The following ADAMTSL3 variants were observed in gnomAD, a reference collection of about 807,000 sequenced individuals.
ADAMTSL3 encodes ADAMTS-like protein 3.
A neutral mutation model predicts 201.7 loss-of-function variants in ADAMTSL3; 128 were observed. That is an observed-to-expected ratio of 0.63 (90% CI 0.55 to 0.73). ADAMTSL3 has a LOEUF of 0.73. ADAMTSL3 is among the 30% of genes least tolerant of loss of function. The probability of loss-of-function intolerance (pLI) is 0.00; values close to 1 mark genes in which losing one functional copy is unlikely to be tolerated. For synonymous variants in ADAMTSL3, 738 were observed against 748.4 expected (o/e 0.99, Z 0.23); for missense variants, 1,990 against 2,119.6 (o/e 0.94, Z 1.20).
At chr15:83,677,496 G>C (rs550274113) in intron 2 of ADAMTSL3, among the ~76,000 whole-genome samples, 3 of 151,798 alleles carry the variant, frequency 2.0e-5, no homozygotes, top group Non-Finnish European at 4.4e-5. Context: ...TGTCTTCTTG[G>C]TGGTAGAACT....
At chr15:83,871,105 A>G in intron 9 of ADAMTSL3, 146 bp downstream of exon 9, 2 of 954,368 alleles carry the variant, frequency 2.1e-6, no homozygotes, top group South Asian at 3.7e-5. Context: ...TTGGCAGTCC[A>G]TTCTTAAAAA....
intron 2 of ADAMTSL3, among the ~76,000 whole-genome samples, chr15:83,675,378 C>A (rs1044295889): frequency 1.3e-5 from 2 of 151,270 alleles, no homozygotes; most frequent in Non-Finnish European, 3.0e-5. Context: ...TTTATATGAT[C>A]ACATGATTTA....
At chr15:83,996,360 T>C (rs2067685618) in intron 23 of ADAMTSL3, among the ~76,000 whole-genome samples, 1 of 152,190 alleles carries the variant, frequency 6.6e-6, no homozygotes, top group African/African-American at 2.4e-5. Context: ...ATATAAAAGT[T>C]CTGATCCCTG....
chr15:83,964,771 G>A (rs752524816), intron 19 of ADAMTSL3, among the ~76,000 whole-genome samples: 45 of 152,324 alleles, frequency 3.0e-4, no homozygotes, highest in Non-Finnish European at 5.9e-4. Context: ...GGCAGCCAGA[G>A]AGAAAGATTG....
At chr15:83,816,946 T>C (rs531181901) in intron 5 of ADAMTSL3, among the ~76,000 whole-genome samples, 12 of 152,238 alleles carry the variant, frequency 7.9e-5, no homozygotes, top group Middle Eastern at 3.4e-3. Context: ...CAGTGAGCCA[T>C]GATCATGCCA....
intron 7 of ADAMTSL3, among the ~76,000 whole-genome samples, chr15:83,848,300 C>T (rs533943925): frequency 6.6e-5 from 10 of 152,266 alleles, no homozygotes; most frequent in Middle Eastern, 3.4e-3. Flanking sequence ...GATGTAGTTC[C>T]GGTTGAACTT....
At chr15:83,971,346 A>G (rs945109085) in intron 20 of ADAMTSL3, among the ~76,000 whole-genome samples, 2 of 152,118 alleles carry the variant, frequency 1.3e-5, no homozygotes, top group Non-Finnish European at 2.9e-5. Flanking sequence ...TCATGAGGTC[A>G]GGAGATCAAG....
chr15:83,858,923 A>T (rs1474289350), intron 8 of ADAMTSL3, 83 bp downstream of exon 8: 1 of 1,211,344 alleles, frequency 8.3e-7, no homozygotes, highest in Admixed American at 2.2e-5. Flanking sequence ...AAACCCACAA[A>T]CCAAACCAAC....
intron 3 of ADAMTSL3, among the ~76,000 whole-genome samples, chr15:83,772,964 A>G (rs2063008290): frequency 6.6e-6 from 1 of 152,196 alleles, no homozygotes; most frequent in Non-Finnish European, 1.5e-5. Context: ...TATTTAGCCA[A>G]TTTATTTAAA....
At chr15:83,975,137 GA>G (rs1163174710) in intron 20 of ADAMTSL3, among the ~76,000 whole-genome samples, 3 of 151,794 alleles carry the variant, frequency 2.0e-5, no homozygotes, top group Non-Finnish European at 4.4e-5. Flanking sequence ...GAGTAGCTGG[GA>G]CTACAGGCAC....
chr15:83,655,060 G>C (rs921025156), intron 1 of ADAMTSL3, among the ~76,000 whole-genome samples: 48 of 152,138 alleles, frequency 3.2e-4, no homozygotes, highest in African/African-American at 1.2e-3. Flanking sequence ...GAAAAGTAAG[G>C]GAAAAAGTCC....
chr15:83,837,379 C>T (rs1190741668), intron 6 of ADAMTSL3, among the ~76,000 whole-genome samples: 1 of 151,446 alleles, frequency 6.6e-6, no homozygotes, highest in African/African-American at 2.4e-5. Context: ...GAAGGTTATA[C>T]ATCAAATTTA....
rs1479700400 is a variant in ADAMTSL3, at chr15:83,735,237, CA to C, written c.189+30730del. 2.6e-5 allele frequency among the ~76,000 whole-genome samples: 4 copies of C among 151,982 alleles called. No homozygotes were observed. The East Asian group carries it at 7.7e-4, about 29-fold the overall frequency. On this transcript the variant is annotated intron_variant, in intron 3 of 29. Coordinates refer to ENST00000286744, the MANE Select transcript of ADAMTSL3 (RefSeq NM_207517.3). Reference sequence around the variant, plus strand: ...ATAAGACTAAAATAAAAATACACACCATAGAGCTCTCCATACTTACTACAGG... The same window carrying C: ...ATAAGACTAAAATAAAAATACACACCTAGAGCTCTCCATACTTACTACAGG...
At chr15:83,887,539 G>C (rs72746993) in intron 10 of ADAMTSL3, among the ~76,000 whole-genome samples, 6 of 152,126 alleles carry the variant, frequency 3.9e-5, no homozygotes, top group African/African-American at 1.4e-4. Context: ...TGAGGCAAAG[G>C]TTCCTTTACA....
intron 28 of ADAMTSL3, among the ~76,000 whole-genome samples, chr15:84,033,301 A>C (rs1216715593): frequency 1.3e-5 from 2 of 152,076 alleles, no homozygotes; most frequent in Non-Finnish European, 2.9e-5. Flanking sequence ...TGCTAGACTA[A>C]AATTACTTTA....
At chr15:83,905,834 C>T (rs1407090471) in intron 15 of ADAMTSL3, among the ~76,000 whole-genome samples, 1 of 152,010 alleles carries the variant, frequency 6.6e-6, no homozygotes, top group Non-Finnish European at 1.5e-5. Context: ...TGGCTTCTCT[C>T]GCCAGCAGCA....
intron 23 of ADAMTSL3, among the ~76,000 whole-genome samples, chr15:84,010,786 C>G (rs1163074872): frequency 1.3e-5 from 2 of 152,076 alleles, no homozygotes; most frequent in Non-Finnish European, 2.9e-5. Flanking sequence ...GATAGGTGAT[C>G]CAGGTAATAC....
chr15:83,853,742 A>G lies in ADAMTSL3; in HGVS notation c.728-5024A>G, dbSNP rs140574154. Among the ~76,000 whole-genome samples, 78 of 152,284 alleles carry G rather than the reference A, an allele frequency of 5.1e-4. 1 individual carries two copies. The highest frequency in any genetic ancestry group is 1.8e-3 in the Admixed American group (27 of 15,300). On this transcript the variant is annotated intron_variant, in intron 7 of 29. Coordinates refer to ENST00000286744, the MANE Select transcript of ADAMTSL3 (RefSeq NM_207517.3). ...GGAATTTGGTATCAAATAGATGTTA[A>G]TGACATTGGAATGTAGTTTTATCTC...
chr15:83,863,905 ATG>A (rs1478358509), intron 8 of ADAMTSL3, among the ~76,000 whole-genome samples: 2 of 152,220 alleles, frequency 1.3e-5, no homozygotes, highest in East Asian at 3.8e-4. Flanking sequence ...CATCAAATAG[ATG>A]CAATAAAAAA....
Sources: allele counts gnomAD v4.1 joint callset (sites outside exome capture counted in the v4.1 genomes callset), GRCh38; gene constraint gnomAD v4.1.1; transcripts MANE v1.5; gene names NCBI Gene and HGNC (gene_info 2026-07-23, HGNC 2026-07-21).